CTNNA3: variants seen among roughly 807,000 people sequenced by gnomAD.
The protein encoded by CTNNA3 is catenin alpha-3.
A neutral mutation model predicts 95.7 loss-of-function variants in CTNNA3; 76 were observed. The ratio of observed to expected loss-of-function variants is 0.79; its 90% CI spans 0.66 to 0.96. CTNNA3 has a LOEUF of 0.96. CTNNA3 is among the 40% of genes least tolerant of loss of function. The pLI is 0.00. For synonymous variants in CTNNA3, 431 were observed against 374.4 expected (o/e 1.15, Z -1.74); for missense variants, 1,191 against 1,089.8 (o/e 1.09, Z -1.31).
At chr10:66,929,623 A>C (rs1847258635) in intron 7 of CTNNA3, among the ~76,000 whole-genome samples, 1 of 152,208 alleles carries the variant, frequency 6.6e-6, no homozygotes, top group South Asian at 2.1e-4. Flanking sequence ...CTTAGAGGAA[A>C]AAAGACCAAC....
intron 7 of CTNNA3, among the ~76,000 whole-genome samples, chr10:67,065,675 A>G (rs980649199): frequency 2.0e-5 from 3 of 152,096 alleles, no homozygotes; most frequent in Admixed American, 1.3e-4. Context: ...CCTTTCCCCA[A>G]GCATGAGCCA....
intron 3 of CTNNA3, among the ~76,000 whole-genome samples, chr10:67,595,622 A>C (rs1240052114): frequency 1.3e-5 from 2 of 152,110 alleles, no homozygotes; most frequent in Non-Finnish European, 1.5e-5. Flanking sequence ...GGTTGGGTGG[A>C]GTCTTCTGTA....
chr10:66,101,519 A>G lies in CTNNA3; in HGVS notation c.1977+1638T>C, dbSNP rs186714057. Among the ~76,000 whole-genome samples the G allele has an allele frequency of 1.7e-3, 261 of 152,304 alleles. 1 individual carries two copies. Among genetic ancestry groups the G allele is most frequent in the African/African-American group, 5.8e-3 (242 of 41,574 alleles). On this transcript the variant is annotated intron_variant, in intron 14 of 17. Coordinates refer to ENST00000433211, the MANE Select transcript of CTNNA3 (RefSeq NM_013266.4). ...GCAATCTGAATGTCTGAAAACATGG[A>G]ACTTTCCCAAATTTATCTTTTCCCA...
At chr10:67,636,130 A>C (rs1839303831) in intron 2 of CTNNA3, among the ~76,000 whole-genome samples, 1 of 152,188 alleles carries the variant, frequency 6.6e-6, no homozygotes, top group African/African-American at 2.4e-5. Flanking sequence ...AGCCTTCTTC[A>C]AGGAGAACTA....
chr10:67,431,092 G>A (rs866434717), intron 5 of CTNNA3, among the ~76,000 whole-genome samples: 1 of 151,898 alleles, frequency 6.6e-6, no homozygotes, highest in African/African-American at 2.4e-5. Flanking sequence ...TGTTGCTCCT[G>A]CCTATCATCT....
intron 2 of CTNNA3, among the ~76,000 whole-genome samples, chr10:67,632,391 G>A (rs376275293): frequency 1.3e-5 from 2 of 152,024 alleles, no homozygotes; most frequent in East Asian, 3.9e-4. Flanking sequence ...CCTCGCTGCC[G>A]GCACCAAGAT....
intron 10 of CTNNA3, among the ~76,000 whole-genome samples, chr10:66,533,142 G>A (rs1841529324): frequency 6.6e-6 from 1 of 151,998 alleles, no homozygotes; most frequent in South Asian, 2.1e-4. Flanking sequence ...TTAGCCTAAG[G>A]CCCTGAAATA....
intron 13 of CTNNA3, among the ~76,000 whole-genome samples, chr10:66,212,601 T>C (rs186215304): frequency 5.9e-5 from 9 of 152,326 alleles, no homozygotes; most frequent in Admixed American, 2.6e-4. Context: ...ATGCTTTCAG[T>C]AGTGTGCTGT....
At chr10:67,190,582 G>GTTTAT (rs1204825707) in intron 6 of CTNNA3, among the ~76,000 whole-genome samples, 1 of 151,806 alleles carries the variant, frequency 6.6e-6, no homozygotes, top group Non-Finnish European at 1.5e-5. Context: ...TGGACCAAAC[G>GTTTAT]TTTATTACTC....
intron 3 of CTNNA3, among the ~76,000 whole-genome samples, chr10:67,589,979 A>G (rs1020265811): frequency 2.6e-5 from 4 of 152,164 alleles, no homozygotes; most frequent in African/African-American, 9.6e-5. Context: ...ATGATGCTAA[A>G]AAAATCTCAA....
intron 12 of CTNNA3, among the ~76,000 whole-genome samples, chr10:66,376,318 A>G (rs547890714): frequency 1.3e-5 from 2 of 152,294 alleles, no homozygotes; most frequent in Non-Finnish European, 2.9e-5. Context: ...GAGCTTAGTA[A>G]CAGGGATAAA....
chr10:67,219,156 G>T (rs1864530001), intron 6 of CTNNA3, among the ~76,000 whole-genome samples: 1 of 152,168 alleles, frequency 6.6e-6, no homozygotes. Context: ...CCTTCTCAGT[G>T]TAACATCTAT....
intron 5 of CTNNA3, among the ~76,000 whole-genome samples, chr10:67,377,051 A>C (rs1321244016): frequency 1.3e-5 from 2 of 152,234 alleles, no homozygotes. Flanking sequence ...ATTCCAGTGC[A>C]CAGATAAAAG....
chr10:66,825,568 G>A (rs1842478308), intron 7 of CTNNA3, among the ~76,000 whole-genome samples: 6 of 152,028 alleles, frequency 3.9e-5, no homozygotes, highest in African/African-American at 1.2e-4. Flanking sequence ...ATGAACCACC[G>A]CACCTAGCCT....
At chr10:65,971,969 G>A (rs375368785) in intron 16 of CTNNA3, among the ~76,000 whole-genome samples, 1 of 152,080 alleles carries the variant, frequency 6.6e-6, no homozygotes, top group South Asian at 2.1e-4. Flanking sequence ...CTATGATCAA[G>A]TAGACTTAAT....
chr10:66,464,301 C>G (rs1002974011), intron 11 of CTNNA3, among the ~76,000 whole-genome samples: 15 of 152,090 alleles, frequency 9.9e-5, no homozygotes, highest in African/African-American at 3.1e-4. Context: ...ACTACTCTTC[C>G]TCCTGCTAGG....
At chr10:67,373,171 C>G (rs1317523703) in intron 5 of CTNNA3, among the ~76,000 whole-genome samples, 1 of 152,128 alleles carries the variant, frequency 6.6e-6, no homozygotes, top group Non-Finnish European at 1.5e-5. Context: ...TTAAAAGACA[C>G]AGACTGGCAA....
intron 7 of CTNNA3, among the ~76,000 whole-genome samples, chr10:66,806,297 A>G (rs1309756523): frequency 1.0e-5 from 1 of 100,330 alleles, no homozygotes; most frequent in African/African-American, 4.1e-5. Context: ...GTGTGTATAT[A>G]TACTCATTTA....
rs919018994 is a variant in CTNNA3, at chr10:65,919,811, T to C, written c.*519A>G. The C allele has an allele frequency of 1.3e-5, 2 of 153,924 alleles. No individual in the cohort carries two copies. Among genetic ancestry groups the C allele is most frequent in the Admixed American group, 6.4e-5 (1 of 15,550 alleles). The allele number at this position is 153,924 out of a possible 1,614,324, so 9.5% of individuals were successfully genotyped here. A position where few individuals can be genotyped will look rare whatever the true frequency, so the allele number is the denominator to read the frequency against. ...CAGCTATCTAGAGATTAAAAGGTGG[T>C]TTTTTTGCTATGGCAGGAATCATAC... On this transcript the variant is annotated 3_prime_UTR_variant, in exon 18 of 18. Transcript: ENST00000433211.
Sources: gnomAD v4.1 joint callset for allele counts (sites outside exome capture counted in the v4.1 genomes callset) on GRCh38, gnomAD v4.1.1 for gene constraint, MANE v1.5 for transcripts, NCBI Gene and HGNC (gene_info 2026-07-23, HGNC 2026-07-21) for gene names.